NRXN3: variants seen among roughly 807,000 people sequenced by gnomAD.
The protein encoded by NRXN3 is neurexin 3.
Under a neutral mutation model 137.6 loss-of-function variants are expected in NRXN3, and 32 were observed. The observed-to-expected ratio is 0.23, with a 90% CI of 0.18 to 0.31. The LOEUF is 0.31. Among genes scored for constraint, NRXN3 ranks in the 10% least tolerant of loss-of-function variants. NRXN3 has a pLI of 1.00. For missense variants in NRXN3, 1,574 were observed against 2,062.5 expected (o/e 0.76, Z 4.59); for synonymous variants, 798 against 784.5 (o/e 1.02, Z -0.29).
chr14:79,729,381 A>G (rs763469849), intron 19 of NRXN3, among the ~76,000 whole-genome samples: 1 of 152,318 alleles, frequency 6.6e-6, no homozygotes, highest in Admixed American at 6.5e-5. Context: ...CTTATATCCT[A>G]TTAAGGCCAC....
rs1208854401 is a variant in NRXN3 at position 78,243,788 on chromosome 14, A to G, written c.695A>G (p.Lys232Arg). 1.3e-6 allele frequency: 2 copies of G among 1,582,642 alleles called. No individual in the cohort carries two copies. The highest frequency in any genetic ancestry group is 2.3e-5 in the South Asian group (2 of 87,670). ...TGTTCTACCACTGGCTATGGTGGCA[A>G]GCTCTGCTCAGAAGGTAAGACCCTC... ...CDCSTTGYGG[K>R]LCSEDVSQDP... The change falls in exon 2 of 21, where the codon AAG (lysine) becomes AGG (arginine). Residue 232 changes from lysine (K) to arginine (R), a missense_variant. Lys to Arg is a conservative substitution (Grantham distance 26). This residue lies in a region of NRXN3 where 400 missense variants were observed against 527.3 expected (regional missense o/e 0.76). Transcript: ENST00000335750. This position sits in a 1 kb window ranked among gnomAD's most constrained non-coding sequence, Gnocchi z 4.2.
intron 8 of NRXN3, 129 bp downstream of exon 8, chr14:78,715,268 G>T (rs1380480798): frequency 6.8e-6 from 8 of 1,172,030 alleles, no homozygotes; most frequent in Admixed American, 2.7e-5. Flanking sequence ...TGGGTTTACT[G>T]ATTTCCAGAT....
rs990368381 is a variant in NRXN3, at chr14:79,097,317, T to A, written c.3262+109176T>A. Among the ~76,000 whole-genome samples, 6 of 152,112 alleles carry A rather than the reference T, an allele frequency of 3.9e-5. No homozygotes were observed. In the South Asian group the frequency reaches 6.2e-4, roughly 16 times the overall value. On this transcript the variant is annotated intron_variant, in intron 15 of 20. Coordinates refer to ENST00000335750, the MANE Select transcript of NRXN3 (RefSeq NM_001330195.2). The stretch of plus-strand genomic sequence containing the variant: ...AGCTAGCCTACTGTAACCCTAGGAG[T>A]TTGGCGGCTGCTAATATCTAAAAAT...
chr14:79,053,614 G>T (rs913772556), intron 15 of NRXN3, among the ~76,000 whole-genome samples: 2 of 113,454 alleles, frequency 1.8e-5, no homozygotes, highest in Non-Finnish European at 3.7e-5. Context: ...TTCTATGTGT[G>T]CTGTATGCCG....
intron 1 of NRXN3, among the ~76,000 whole-genome samples, chr14:78,234,903 A>C (rs2065968999): frequency 6.6e-6 from 1 of 151,310 alleles, no homozygotes; most frequent in Admixed American, 6.6e-5. Context: ...GGTCAGATTG[A>C]CACAGATGAT....
intron 10 of NRXN3, among the ~76,000 whole-genome samples, chr14:78,956,859 A>G (rs2099397751): frequency 6.6e-6 from 1 of 152,196 alleles, no homozygotes. Context: ...TATTCTATAG[A>G]AAAAATACTA....
intron 15 of NRXN3, among the ~76,000 whole-genome samples, chr14:79,221,123 T>A (rs1054792808): frequency 1.3e-5 from 2 of 152,206 alleles, no homozygotes; most frequent in African/African-American, 4.8e-5. Flanking sequence ...ATGGTGTATA[T>A]GTGCCACATT....
intron 4 of NRXN3, among the ~76,000 whole-genome samples, chr14:78,382,258 G>C (rs1724362198): frequency 6.6e-6 from 1 of 152,206 alleles, no homozygotes; most frequent in African/African-American, 2.4e-5. Context: ...AAAGTACAGT[G>C]AAGGCAGAGA....
At chr14:79,760,231 G>A (rs375585722) in intron 19 of NRXN3, among the ~76,000 whole-genome samples, 59 of 151,578 alleles carry the variant, frequency 3.9e-4, no homozygotes, top group Middle Eastern at 3.4e-3. Flanking sequence ...AAAGTGTGGC[G>A]AGCTAATTAA....
At chr14:78,348,100 G>A (rs1262898564) in intron 4 of NRXN3, among the ~76,000 whole-genome samples, 5 of 152,130 alleles carry the variant, frequency 3.3e-5, no homozygotes, top group African/African-American at 4.8e-5. Flanking sequence ...GTTGAGCCCA[G>A]GTGTGCATGG....
chr14:78,409,574 G>A (rs1342887372), intron 4 of NRXN3, among the ~76,000 whole-genome samples: 1 of 152,116 alleles, frequency 6.6e-6, no homozygotes, highest in Non-Finnish European at 1.5e-5. Context: ...CTAACCTCTT[G>A]ATATGAATTT....
chr14:79,535,227 G>A (rs531436064), intron 16 of NRXN3, among the ~76,000 whole-genome samples: 6 of 152,234 alleles, frequency 3.9e-5, no homozygotes, highest in African/African-American at 7.2e-5. Flanking sequence ...AAGAAATTGT[G>A]TAAACAAATT....
chr14:79,181,631 A>G (rs1046624481), intron 15 of NRXN3, among the ~76,000 whole-genome samples: 3 of 151,322 alleles, frequency 2.0e-5, no homozygotes, highest in African/African-American at 7.3e-5. Context: ...CAATCAGCCA[A>G]GATCGCGTCA....
chr14:78,346,065 G>T (rs1013859859), intron 4 of NRXN3, among the ~76,000 whole-genome samples: 2 of 152,176 alleles, frequency 1.3e-5, no homozygotes, highest in Non-Finnish European at 2.9e-5. Context: ...AAGGCCATGG[G>T]TGCTGGCTCA....
intron 16 of NRXN3, among the ~76,000 whole-genome samples, chr14:79,630,279 T>C (rs2153932907): frequency 6.6e-6 from 1 of 152,312 alleles, no homozygotes; most frequent in East Asian, 1.9e-4. Flanking sequence ...CTTGCCCCCC[T>C]CAGCATAAGG....
chr14:79,349,545 T>TACACAC (rs71131694), intron 15 of NRXN3, among the ~76,000 whole-genome samples: 113 of 137,696 alleles, frequency 8.2e-4, no homozygotes, highest in South Asian at 2.9e-3. Flanking sequence ...GAAAAAAAAA[T>TACACAC]ACACACACAC....
intron 20 of NRXN3, among the ~76,000 whole-genome samples, chr14:79,839,480 T>A (rs903691544): frequency 6.6e-6 from 1 of 152,182 alleles, no homozygotes; most frequent in African/African-American, 2.4e-5. Context: ...ATTTGTTCAG[T>A]TTTAAAATCA....
chr14:79,753,331 CAAT>C (rs918089373), intron 19 of NRXN3, among the ~76,000 whole-genome samples: 1 of 151,784 alleles, frequency 6.6e-6, no homozygotes, highest in African/African-American at 2.4e-5. Flanking sequence ...AAATGTCCAA[CAAT>C]GATAGACAGG....
At chr14:79,084,382 C>T (rs1301703672) in intron 15 of NRXN3, among the ~76,000 whole-genome samples, 1 of 152,052 alleles carries the variant, frequency 6.6e-6, no homozygotes, top group Non-Finnish European at 1.5e-5. Context: ...TCAAAAATTC[C>T]AGTAGTCAAC....
Sources: allele counts gnomAD v4.1 joint callset (sites outside exome capture counted in the v4.1 genomes callset), GRCh38; gene constraint gnomAD v4.1.1; regional missense constraint gnomAD v4.1.1; non-coding constraint Gnocchi (gnomAD v3.1); transcripts MANE v1.5; gene names NCBI Gene and HGNC (gene_info 2026-07-23, HGNC 2026-07-21).